The following FRMPD4 variants were observed in gnomAD, a reference collection of about 807,000 sequenced individuals.
FRMPD4 encodes FERM and PDZ domain containing 4, also known as FERM and PDZ domain-containing protein 4.
A neutral mutation model predicts 94.1 loss-of-function variants in FRMPD4; 22 were observed. The observed-to-expected ratio is 0.23, with a 90% CI of 0.17 to 0.33. FRMPD4 has a LOEUF of 0.33. Among genes scored for constraint, FRMPD4 ranks in the 10% least tolerant of loss-of-function variants. FRMPD4 has a pLI of 1.00. For synonymous variants in FRMPD4, 631 were observed against 548.6 expected (o/e 1.15, Z -2.10); for missense variants, 1,111 against 1,339.9 (o/e 0.83, Z 2.67).
intron 3 of FRMPD4, among the ~76,000 whole-genome samples, chrX:12,014,948 T>A (rs922813935): frequency 9.0e-6 from 1 of 111,374 alleles, no homozygotes; most frequent in African/African-American, 3.3e-5. Flanking sequence ...AAAACACCAT[T>A]CTAGACAGTA....
At chrX:12,689,783 A>G (rs1260025189) in intron 7 of FRMPD4, among the ~76,000 whole-genome samples, 4 of 113,022 alleles carry the variant, frequency 3.5e-5, no homozygotes, top group East Asian at 2.8e-4. Context: ...TTTGGCATGC[A>G]GGCCATGTTT....
At position 12,138,605 on chromosome X, in the gene FRMPD4, G is replaced by C. The variant is rs1484143000; in HGVS notation, c.-367G>C. ...AAGCCAGAGCAGCGCCTCTCGCCCA[G>C]GCCTCGCTTTCTCTGGACGCCCGGC... On this transcript the variant is annotated 5_prime_UTR_variant, in exon 1 of 17. Transcript: ENST00000675598. 7.1e-6 allele frequency: 2 copies of C among 281,731 alleles called. No individual in the cohort carries two copies. Among genetic ancestry groups the C allele is most frequent in the African/African-American group, 5.5e-5 (2 of 36,210 alleles). The allele number at this position is 281,731 out of a possible 1,213,427, so 23.2% of individuals were successfully genotyped here.
At chrX:12,071,793 C>T (rs1178815878) in intron 3 of FRMPD4, among the ~76,000 whole-genome samples, 1 of 111,062 alleles carries the variant, frequency 9.0e-6, no homozygotes, top group Non-Finnish European at 1.9e-5. Flanking sequence ...CTGTGCTCCA[C>T]TTCCACCCTT....
intron 1 of FRMPD4, among the ~76,000 whole-genome samples, chrX:12,163,876 G>C (rs945080090): frequency 8.9e-6 from 1 of 111,830 alleles, no homozygotes; most frequent in East Asian, 2.8e-4. Context: ...GTAATTATCA[G>C]GGGTCCCAAC....
At chrX:12,297,022 A>T (rs776259659) in intron 1 of FRMPD4, among the ~76,000 whole-genome samples, 18 of 112,446 alleles carry the variant, frequency 1.6e-4, no homozygotes, top group Non-Finnish European at 3.4e-4. Context: ...TTTCTCCCAG[A>T]TTGTGAAGCT....
intron 3 of FRMPD4, among the ~76,000 whole-genome samples, chrX:12,127,726 G>A (rs1474608692): frequency 1.8e-5 from 2 of 111,822 alleles, no homozygotes; most frequent in East Asian, 2.8e-4. Context: ...CTGAGACAAG[G>A]CAAGTCCCTT....
intron 1 of FRMPD4, among the ~76,000 whole-genome samples, chrX:11,856,027 C>G (rs192596945): frequency 5.4e-5 from 6 of 112,121 alleles, no homozygotes; most frequent in African/African-American, 1.9e-4. Flanking sequence ...TTCCACACAG[C>G]TGGGAAGGCC....
rs191800179 is a variant in FRMPD4 at position 11,850,926 on chromosome X, C to G, written c.-160-14160C>G. ...GTACTTAACACTACTGAACTGTACT[C>G]TTACACATGGTTAAGATGGTACATT... On this transcript the variant is annotated intron_variant, in intron 1 of 18. Transcript: ENST00000640291. 3.6e-5 allele frequency among the ~76,000 whole-genome samples: 4 copies of G among 112,402 alleles called. No homozygotes were observed. In the East Asian group the frequency reaches 8.4e-4, roughly 24 times the overall value.
At chrX:11,847,133 G>C (rs1358062520) in intron 1 of FRMPD4, among the ~76,000 whole-genome samples, 16 of 110,762 alleles carry the variant, frequency 1.4e-4, no homozygotes, top group African/African-American at 3.6e-4. Context: ...ACCTACTCAT[G>C]TGACAAAGGG....
chrX:12,360,976 G>T, intron 1 of FRMPD4, among the ~76,000 whole-genome samples: 1 of 95,260 alleles, frequency 1.0e-5, no homozygotes. Context: ...AAAAAAAAAC[G>T]GTAAGTATTT....
chrX:12,452,225 A>T (rs2057281080), intron 1 of FRMPD4, among the ~76,000 whole-genome samples: 1 of 112,071 alleles, frequency 8.9e-6, no homozygotes, highest in Non-Finnish European at 1.9e-5. Context: ...TCTCCCATTT[A>T]AATTGTCATT....
chrX:11,954,760 A>T (rs1275470319), intron 3 of FRMPD4, among the ~76,000 whole-genome samples: 1 of 110,410 alleles, frequency 9.1e-6, no homozygotes, highest in Non-Finnish European at 1.9e-5. Flanking sequence ...TATATCTGTC[A>T]ATATAGTTTC....
At chrX:12,258,948 C>G (rs1250833943) in intron 1 of FRMPD4, among the ~76,000 whole-genome samples, 1 of 111,762 alleles carries the variant, frequency 8.9e-6, no homozygotes, top group Non-Finnish European at 1.9e-5. Context: ...TATCAACCAA[C>G]CTCTCTTCAT....
At chrX:12,642,454 A>C (rs2059508857) in intron 4 of FRMPD4, among the ~76,000 whole-genome samples, 1 of 112,105 alleles carries the variant, frequency 8.9e-6, no homozygotes, top group Admixed American at 9.4e-5. Flanking sequence ...GTGATATTGC[A>C]GTTCCTGGCC....
chrX:11,957,864 ATCT>A (rs1229405951), intron 3 of FRMPD4, among the ~76,000 whole-genome samples: 1 of 112,309 alleles, frequency 8.9e-6, no homozygotes. Flanking sequence ...ACAAACTGAC[ATCT>A]TCTTTTGACT....
chrX:11,907,335 C>G (rs1411681672), intron 3 of FRMPD4, among the ~76,000 whole-genome samples: 1 of 111,487 alleles, frequency 9.0e-6, no homozygotes, highest in East Asian at 2.8e-4. Flanking sequence ...ATTTCTTCCT[C>G]TCATTATTTT....
At chrX:12,357,804 TAA>T (rs1379507015) in intron 1 of FRMPD4, among the ~76,000 whole-genome samples, 1 of 112,121 alleles carries the variant, frequency 8.9e-6, no homozygotes, top group South Asian at 3.7e-4. Flanking sequence ...TTTAAATATA[TAA>T]GTCAATGATT....
chrX:12,655,527 G>A (rs1297109124), intron 4 of FRMPD4, among the ~76,000 whole-genome samples: 1 of 112,196 alleles, frequency 8.9e-6, no homozygotes, highest in Non-Finnish European at 1.9e-5. Flanking sequence ...CAGTATGGTA[G>A]CCTCTAGTTA....
At chrX:12,659,376 G>A (rs1208339319) in intron 4 of FRMPD4, among the ~76,000 whole-genome samples, 2 of 112,581 alleles carry the variant, frequency 1.8e-5, no homozygotes, top group Admixed American at 9.4e-5. Flanking sequence ...CTCTTTAGAC[G>A]GTAAGCTCTG....
Sources: allele counts gnomAD v4.1 joint callset (sites outside exome capture counted in the v4.1 genomes callset), GRCh38; gene constraint gnomAD v4.1.1; transcripts MANE v1.5; gene names NCBI Gene and HGNC (gene_info 2026-07-23, HGNC 2026-07-21).